Variants in AK5 observed in about 807,000 individuals in gnomAD.
AK5 encodes adenylate kinase isoenzyme 5.
AK5 carries 27 observed loss-of-function variants against 69.5 expected under a neutral mutation model. The ratio of observed to expected loss-of-function variants is 0.39; its 90% CI spans 0.29 to 0.54. The LOEUF (loss-of-function observed/expected upper bound fraction) is 0.54. AK5 is among the 20% of genes least tolerant of loss of function. AK5 has a pLI of 0.71. For missense variants in AK5, 531 were observed against 700.4 expected (o/e 0.76, Z 2.73); for synonymous variants, 260 against 244.4 (o/e 1.06, Z -0.60).
At chr1:77,545,267 T>C (rs1004983114) in intron 13 of AK5, among the ~76,000 whole-genome samples, 1 of 152,028 alleles carries the variant, frequency 6.6e-6, no homozygotes, top group East Asian at 1.9e-4. Flanking sequence ...TCTTCTTTCC[T>C]CCAGCCCCTC....
chr1:77,316,030 G>A (rs765034407), intron 5 of AK5, among the ~76,000 whole-genome samples: 1 of 152,140 alleles, frequency 6.6e-6, no homozygotes, highest in South Asian at 2.1e-4. Context: ...TGTGAAGTAT[G>A]CTGTTTATAA....
chr1:77,438,522 T>C (rs1197443859), intron 8 of AK5, among the ~76,000 whole-genome samples: 1 of 152,142 alleles, frequency 6.6e-6, no homozygotes, highest in Admixed American at 6.6e-5. Flanking sequence ...GTTTGGTATT[T>C]TAGATAGTGG....
chr1:77,511,876 C>G (rs1453406656), intron 10 of AK5, among the ~76,000 whole-genome samples: 1 of 152,136 alleles, frequency 6.6e-6, no homozygotes, highest in East Asian at 1.9e-4. Context: ...AATGGGCCAA[C>G]CCTGTGAGGT....
intron 6 of AK5, among the ~76,000 whole-genome samples, chr1:77,408,571 G>T (rs946924659): frequency 5.9e-5 from 9 of 152,058 alleles, no homozygotes; most frequent in Admixed American, 5.9e-4. Flanking sequence ...CTCTCATTCT[G>T]TAGGTTGTGT....
At chr1:77,520,220 A>G (rs934067982) in intron 11 of AK5, among the ~76,000 whole-genome samples, 6 of 151,786 alleles carry the variant, frequency 4.0e-5, no homozygotes, top group African/African-American at 1.2e-4. Flanking sequence ...AAAAAAAAAA[A>G]AGAGAATACC....
intron 6 of AK5, among the ~76,000 whole-genome samples, chr1:77,378,784 T>C (rs1647417240): frequency 6.6e-6 from 1 of 152,198 alleles, no homozygotes; most frequent in Admixed American, 6.5e-5. Context: ...TAACAAGAAC[T>C]AAGGTTGATG....
intron 6 of AK5, among the ~76,000 whole-genome samples, chr1:77,345,856 C>A (rs758959098): frequency 1.3e-4 from 20 of 152,146 alleles, no homozygotes; most frequent in Non-Finnish European, 2.8e-4. Context: ...GGTGCCAGCT[C>A]CCATGCAACT....
chr1:77,406,526 C>T (rs763636496), intron 6 of AK5, among the ~76,000 whole-genome samples: 1 of 152,154 alleles, frequency 6.6e-6, no homozygotes, highest in Non-Finnish European at 1.5e-5. Context: ...TAATGATATC[C>T]TGTTTTTTCC....
chr1:77,366,730 C>A (rs1190012827), intron 6 of AK5, among the ~76,000 whole-genome samples: 1 of 152,108 alleles, frequency 6.6e-6, no homozygotes, highest in Non-Finnish European at 1.5e-5. Flanking sequence ...CAGGAAAGAA[C>A]GTGTGATTTT....
chr1:77,369,932 A>G (rs896255632), intron 6 of AK5, among the ~76,000 whole-genome samples: 4 of 152,220 alleles, frequency 2.6e-5, no homozygotes. Context: ...CTGCCAATAA[A>G]TGGCATTTGC....
intron 8 of AK5, among the ~76,000 whole-genome samples, chr1:77,429,871 G>A (rs751341172): frequency 2.6e-5 from 4 of 152,134 alleles, no homozygotes; most frequent in African/African-American, 4.8e-5. Flanking sequence ...AGAGGAAATA[G>A]CAGGATGAAG....
At chr1:77,326,799 T>C (rs1306396586) in intron 5 of AK5, among the ~76,000 whole-genome samples, 1 of 152,224 alleles carries the variant, frequency 6.6e-6, no homozygotes, top group Non-Finnish European at 1.5e-5. Flanking sequence ...AACACTGTTA[T>C]TTCTTTTTTA....
chr1:77,401,896 A>G (rs1486379254), intron 6 of AK5, among the ~76,000 whole-genome samples: 1 of 152,212 alleles, frequency 6.6e-6, no homozygotes, highest in African/African-American at 2.4e-5. Flanking sequence ...GAATTTGGTG[A>G]GCATTTCATT....
At chr1:77,415,794 A>G (rs1650386988) in intron 7 of AK5, among the ~76,000 whole-genome samples, 1 of 152,192 alleles carries the variant, frequency 6.6e-6, no homozygotes, top group Admixed American at 6.5e-5. Context: ...CTTGCTTAGA[A>G]TTTGGAGTCA....
intron 8 of AK5, among the ~76,000 whole-genome samples, chr1:77,457,771 G>C (rs1532509): frequency 6.6e-6 from 1 of 151,924 alleles, no homozygotes; most frequent in African/African-American, 2.4e-5. Flanking sequence ...ATTTGTATTC[G>C]TGTGTGCCTG....
intron 8 of AK5, among the ~76,000 whole-genome samples, chr1:77,458,379 C>T (rs1476124672): frequency 2.6e-5 from 4 of 152,180 alleles, no homozygotes; most frequent in Admixed American, 2.6e-4. Flanking sequence ...TAGTCAGTAT[C>T]ATCTCCCCAT....
At chr1:77,473,613 A>G (rs1374833142) in intron 8 of AK5, among the ~76,000 whole-genome samples, 1 of 152,192 alleles carries the variant, frequency 6.6e-6, no homozygotes, top group Non-Finnish European at 1.5e-5. Flanking sequence ...TACTGATTGT[A>G]TCTTCTCTAT....
At chr1:77,542,626 C>T (rs976986512) in intron 13 of AK5, among the ~76,000 whole-genome samples, 1 of 152,098 alleles carries the variant, frequency 6.6e-6, no homozygotes, top group Non-Finnish European at 1.5e-5. Flanking sequence ...TATTTAAAGC[C>T]TCTTTTTTTC....
intron 5 of AK5, among the ~76,000 whole-genome samples, chr1:77,328,943 G>A (rs1660949270): frequency 1.3e-5 from 2 of 152,178 alleles, no homozygotes; most frequent in South Asian, 2.1e-4. Context: ...TCTGGCAAGA[G>A]TCATCCCATG....
Sources: allele counts gnomAD v4.1 joint callset (sites outside exome capture counted in the v4.1 genomes callset), GRCh38; gene constraint gnomAD v4.1.1; transcripts MANE v1.5; gene names NCBI Gene and HGNC (gene_info 2026-07-23, HGNC 2026-07-21).